PIAS4: variants seen among roughly 807,000 people sequenced by gnomAD.
PIAS4 encodes the protein protein inhibitor of activated STAT 4.
In PIAS4, 7 loss-of-function variants were observed where a neutral mutation model predicts 58.0. That is an observed-to-expected ratio of 0.12 (90% CI 0.07 to 0.23). The LOEUF is 0.23. PIAS4 is among the 10% of genes least tolerant of loss of function. PIAS4 has a pLI of 1.00. For synonymous variants in PIAS4, 364 were observed against 312.4 expected (o/e 1.17, Z -1.74); for missense variants, 550 against 709.5 (o/e 0.78, Z 2.55).
intron 7 of PIAS4, among the ~76,000 whole-genome samples, chr19:4,032,384 T>A (rs1456517377): frequency 2.0e-5 from 3 of 152,094 alleles, no homozygotes; most frequent in African/African-American, 7.2e-5. Flanking sequence ...GGGTCTCTCC[T>A]GAGCTACCCA....
intron 2 of PIAS4, among the ~76,000 whole-genome samples, chr19:4,020,220 G>A (rs1180260885): frequency 1.3e-5 from 2 of 152,232 alleles, no homozygotes; most frequent in Admixed American, 6.5e-5. Context: ...CCGGCTTCTC[G>A]TGGGTTTTAA....
Position 4,038,059 on chromosome 19 carries a change from A to T in PIAS4, c.*184A>T. On this transcript the variant is annotated 3_prime_UTR_variant, in exon 11 of 11. Transcript: ENST00000262971. The surrounding 1 kb of genome is among the most constrained non-coding windows in gnomAD (Gnocchi z 4.1). ...TCTCCTATCGGGGGATTAAAAAAAA[A>T]AGTAAAATGACAAAAAAAGATACAA... is the stretch of plus-strand genomic sequence containing the variant. 1 of 566,362 alleles carries T rather than the reference A, an allele frequency of 1.8e-6. No homozygotes were observed. Among genetic ancestry groups the T allele is most frequent in the Non-Finnish European group, 3.0e-6 (1 of 337,656 alleles). 35.1% of individuals were successfully genotyped at this position (566,362 alleles called of 1,614,324 possible). A position where few individuals can be genotyped will look rare whatever the true frequency, so the allele number is the denominator to read the frequency against.
At chr19:4,017,376 C>G (rs909390517) in intron 2 of PIAS4, among the ~76,000 whole-genome samples, 1 of 152,226 alleles carries the variant, frequency 6.6e-6, no homozygotes, top group Non-Finnish European at 1.5e-5. Context: ...CCACTGGTCC[C>G]CCTCCCATGG....
In PIAS4 at chr19:4,038,109, C is replaced by CA; in HGVS notation, c.*237dup. 1.9e-6 allele frequency: 1 copy of CA among 529,830 alleles called. No homozygotes were observed. Among genetic ancestry groups the CA allele is most frequent in the South Asian group, 2.5e-5 (1 of 40,024 alleles). 32.8% of individuals were successfully genotyped at this position (529,830 alleles called of 1,614,324 possible). A position where few individuals can be genotyped will look rare whatever the true frequency, so the allele number is the denominator to read the frequency against. On this transcript the variant is annotated 3_prime_UTR_variant, in exon 11 of 11. Coordinates refer to ENST00000262971, the MANE Select transcript of PIAS4 (RefSeq NM_015897.4). This position sits in a 1 kb window ranked among gnomAD's most constrained non-coding sequence, Gnocchi z 4.1. The stretch of plus-strand genomic sequence containing the variant: ...AAAAAGAAAAATGAAACAAAAAAGT[C>CA]AAACTCTTAAAAACAAGGCCGGCCA...
At chr19:4,022,434 T>C (rs1466634976) in intron 2 of PIAS4, among the ~76,000 whole-genome samples, 3 of 151,954 alleles carry the variant, frequency 2.0e-5, no homozygotes, top group East Asian at 3.9e-4. Context: ...ACTGCAAGCT[T>C]CGCCTCCCTG....
At chr19:4,023,591 AC>A (rs1214493664) in intron 2 of PIAS4, among the ~76,000 whole-genome samples, 3 of 151,792 alleles carry the variant, frequency 2.0e-5, no homozygotes, top group African/African-American at 7.3e-5. Flanking sequence ...TCCCGTCAGT[AC>A]CCCCCGCACC....
chr19:4,019,548 G>A (rs1332710987), intron 2 of PIAS4, among the ~76,000 whole-genome samples: 1 of 152,118 alleles, frequency 6.6e-6, no homozygotes, highest in Non-Finnish European at 1.5e-5. Flanking sequence ...TTTCACCTCC[G>A]ACCCAGCCTG....
In PIAS4 at chr19:4,028,856, C is replaced by A. The variant is rs765842240; in HGVS notation, c.801+8C>A. ...TGGGGGAACTACGGCAAGGTGAGTGCGTGCCCGGGTGCCCACCCTGCCCCC... is the reference window on the plus strand; with the variant it reads ...TGGGGGAACTACGGCAAGGTGAGTGAGTGCCCGGGTGCCCACCCTGCCCCC... On this transcript the variant is annotated splice_region_variant and intron_variant, in intron 6 of 10. Transcript: ENST00000262971. The A allele has an allele frequency of 6.2e-7, 1 of 1,613,284 alleles. No homozygotes were observed. Among genetic ancestry groups the A allele is most frequent in the South Asian group, 1.1e-5 (1 of 91,086 alleles).
chr19:4,037,520 CA>C lies in PIAS4; in HGVS notation c.1273+17del. ...CTCGTGCTGGGTGAGTGCCTCACCCCACCAGCCGCGCAGTCCGCAGCCAGGG... is the reference window on the plus strand; with the variant it reads ...CTCGTGCTGGGTGAGTGCCTCACCCCCCAGCCGCGCAGTCCGCAGCCAGGG... On this transcript the variant is annotated intron_variant, in intron 10 of 10. Coordinates refer to ENST00000262971, the MANE Select transcript of PIAS4 (RefSeq NM_015897.4). This position sits in a 1 kb window ranked among gnomAD's most constrained non-coding sequence, Gnocchi z 5.8. 1 of 1,609,244 alleles carries C rather than the reference CA, an allele frequency of 6.2e-7. No individual in the cohort carries two copies.
intron 2 of PIAS4, among the ~76,000 whole-genome samples, chr19:4,015,049 G>A (rs996823577): frequency 2.6e-5 from 4 of 152,238 alleles, no homozygotes; most frequent in Non-Finnish European, 4.4e-5. Context: ...GAGGTGTCTA[G>A]CAGCAGCCTC....
intron 1 of PIAS4, among the ~76,000 whole-genome samples, chr19:4,011,279 C>T (rs1203875843): frequency 6.6e-6 from 1 of 152,242 alleles, no homozygotes; most frequent in Non-Finnish European, 1.5e-5. Flanking sequence ...TGTTTCCCAC[C>T]ACATCTCATT....
At chr19:4,009,123 GT>G (rs1476283808) in intron 1 of PIAS4, among the ~76,000 whole-genome samples, 2 of 152,044 alleles carry the variant, frequency 1.3e-5, no homozygotes, top group Non-Finnish European at 2.9e-5. Context: ...TTCCGGGGAG[GT>G]TAGGGGACCT....
chr19:4,013,133 C>T lies in PIAS4; in HGVS notation c.238C>T (p.Pro80Ser), dbSNP rs1290203666. Reference sequence around the variant, plus strand: ...GGAGCCTGCCCCACAGCCGCACCGGCCCCTGGACCCCCTGACCATGCACTC... The same window carrying T: ...GGAGCCTGCCCCACAGCCGCACCGGTCCCTGGACCCCCTGACCATGCACTC... ...NSEPAPQPHR[P>S]LDPLTMHSTY... The change falls in exon 2 of 11, where the codon CCC (proline) becomes TCC (serine). Residue 80 changes from proline to serine, a missense_variant. Pro to Ser is a moderately conservative substitution (Grantham distance 74, BLOSUM62 -1). Coordinates refer to ENST00000262971, the MANE Select transcript of PIAS4 (RefSeq NM_015897.4). This position sits in a 1 kb window ranked among gnomAD's most constrained non-coding sequence, Gnocchi z 5.1. The T allele has an allele frequency of 6.2e-7, 1 of 1,613,274 alleles. No individual in the cohort carries two copies. The highest frequency in any genetic ancestry group is 8.5e-7 in the Non-Finnish European group (1 of 1,180,000).
intron 3 of PIAS4, among the ~76,000 whole-genome samples, chr19:4,024,640 T>G (rs2040144287): frequency 6.6e-6 from 1 of 152,134 alleles, no homozygotes; most frequent in African/African-American, 2.4e-5. Flanking sequence ...ATCCACACCC[T>G]GAATTGGAGG....
intron 3 of PIAS4, among the ~76,000 whole-genome samples, chr19:4,026,777 G>A (rs2040169173): frequency 6.6e-6 from 1 of 152,076 alleles, no homozygotes; most frequent in Non-Finnish European, 1.5e-5. Flanking sequence ...CCGCCTCCCA[G>A]GTTCAAGTGA....
chr19:4,015,459 C>T (rs1049907173), intron 2 of PIAS4, among the ~76,000 whole-genome samples: 7 of 152,170 alleles, frequency 4.6e-5, no homozygotes, highest in Non-Finnish European at 1.0e-4. Context: ...AAGAGGCCAT[C>T]CCCACCCTGC....
intron 3 of PIAS4, among the ~76,000 whole-genome samples, chr19:4,026,073 CAAAAAAAA>C (rs34554020): frequency 3.9e-5 from 3 of 76,796 alleles, no homozygotes; most frequent in African/African-American, 1.2e-4. Context: ...GACTCCGTCT[CAAAAAAAA>C]AAAAAAAAAA....
intron 2 of PIAS4, among the ~76,000 whole-genome samples, chr19:4,015,129 C>T (rs979296717): frequency 6.6e-6 from 1 of 152,226 alleles, no homozygotes; most frequent in Admixed American, 6.5e-5. Flanking sequence ...TTCCATCGGA[C>T]TGACTTTCCC....
In PIAS4 at chr19:4,028,872, C is replaced by T. The variant is rs755855626; in HGVS notation, c.801+24C>T. 3.7e-6 allele frequency: 6 copies of T among 1,612,942 alleles called. No homozygotes were observed. The East Asian group carries it at 1.1e-4, about 30-fold the overall frequency. On this transcript the variant is annotated intron_variant, in intron 6 of 10. Transcript: ENST00000262971. ...AGGTGAGTGCGTGCCCGGGTGCCCACCCTGCCCCCCAACCCCGGCCCCGTC... is the reference window on the plus strand; with the variant it reads ...AGGTGAGTGCGTGCCCGGGTGCCCATCCTGCCCCCCAACCCCGGCCCCGTC...
Sources: gnomAD v4.1 joint callset for allele counts (sites outside exome capture counted in the v4.1 genomes callset) on GRCh38, gnomAD v4.1.1 for gene constraint, Gnocchi (gnomAD v3.1) non-coding constraint, MANE v1.5 for transcripts, NCBI Gene and HGNC (gene_info 2026-07-23, HGNC 2026-07-21) for gene names.